MORN1: variants seen among roughly 807,000 people sequenced by gnomAD.
The protein encoded by MORN1 is MORN repeat containing 1, also known as MORN repeat-containing protein 1.
MORN1 carries 67 observed loss-of-function variants against 61.9 expected under a neutral mutation model. The ratio of observed to expected loss-of-function variants is 1.08; its 90% confidence interval spans 0.89 to 1.33. The LOEUF (loss-of-function observed/expected upper bound fraction) is 1.33, where lower values mean the gene tolerates loss of function less well. Among genes scored for constraint, MORN1 ranks in the 40% most tolerant of loss-of-function variants. The pLI is 0.00. For synonymous variants in MORN1, 301 were observed against 292.0 expected (o/e 1.03, Z -0.31); for missense variants, 752 against 691.2 (o/e 1.09, Z -0.99).
rs1365473886 is a variant in MORN1 at position 2,391,508 on chromosome 1, G to C, written c.26C>G (p.Pro9Arg). 1 of 1,250,890 alleles carries C rather than the reference G, an allele frequency of 8.0e-7. No individual in the cohort carries two copies. Among genetic ancestry groups the C allele is most frequent in the Non-Finnish European group, 1.0e-6 (1 of 991,744 alleles). The allele number at this position is 1,250,890 out of a possible 1,614,324, so 77.5% of individuals were successfully genotyped here. A position where few individuals can be genotyped will look rare whatever the true frequency, so the allele number is the denominator to read the frequency against. MAAAGEGT[P>R]SSRGPRRDPP... ...GTCCCGACGCGGCCCGCGGGAGCTC[G>C]GGGTGCCCTCGCCCGCCGCTGCCAT... The change falls in exon 1 of 14, where the codon CCG (proline) becomes CGG (arginine). Residue 9 changes from proline (P) to arginine (R), a missense_variant. Physicochemically the swap from Pro to Arg is moderately radical, Grantham distance 103 (BLOSUM62 -2). Coordinates refer to ENST00000378531, the MANE Select transcript of MORN1 (RefSeq NM_024848.3).
rs1021102190 is a variant in MORN1, at chr1:2,388,285, C to T, written c.201G>A (p.Val67=). Residue 67 remains valine (V), a synonymous_variant, in exon 3 of 14, where the codon GTG becomes GTA. Transcript: ENST00000378531. ...GGCCTTCTCCCGTGATCTCTCCGTC[C>T]ACAAACGCCCCTTCGTAATAACTGC... ...KDGSYYEGAF[V]DGEITGEGRR... is the part of the protein sequence containing the mutation. 5.6e-6 allele frequency: 9 copies of T among 1,613,890 alleles called. No homozygotes were observed. In the South Asian group the frequency reaches 6.6e-5, roughly 12 times the overall value.
At chr1:2,386,033 G>A in intron 4 of MORN1, 136 bp from the exon 5 acceptor site, 1 of 708,938 alleles carries the variant, frequency 1.4e-6, no homozygotes, top group Middle Eastern at 3.2e-4. Flanking sequence ...GGGCCCCCCA[G>A]GAACATGACA....
At chr1:2,340,355 A>T (rs1473105169) in intron 10 of MORN1, among the ~76,000 whole-genome samples, 1 of 152,002 alleles carries the variant, frequency 6.6e-6, no homozygotes, top group Non-Finnish European at 1.5e-5. Flanking sequence ...CTCCCTGCAG[A>T]CACCAGAGCA....
chr1:2,364,713 A>T (rs1339725348), intron 8 of MORN1, among the ~76,000 whole-genome samples: 1 of 151,704 alleles, frequency 6.6e-6, no homozygotes, highest in Non-Finnish European at 1.5e-5. Context: ...TTAAATCTTT[A>T]ATCCATCTTG....
At chr1:2,333,331 G>A (rs913235376) in intron 12 of MORN1, among the ~76,000 whole-genome samples, 6 of 152,198 alleles carry the variant, frequency 3.9e-5, no homozygotes, top group Non-Finnish European at 5.9e-5. Context: ...GGTCAGCCCC[G>A]GGCCCAGCTC....
At chr1:2,379,367 T>C (rs1351502948) in intron 6 of MORN1, 2 of 355,854 alleles carry the variant, frequency 5.6e-6, no homozygotes, top group Non-Finnish European at 1.1e-5. Context: ...CCGGCGCTGG[T>C]TGGGGTGTGG....
intron 10 of MORN1, among the ~76,000 whole-genome samples, chr1:2,343,377 C>G (rs560744116): frequency 1.3e-5 from 2 of 152,310 alleles, no homozygotes; most frequent in South Asian, 2.1e-4. Flanking sequence ...ACAGAGCCGC[C>G]GGGCCCTGGG....
At chr1:2,388,468 T>G in intron 2 of MORN1, 131 bp from the exon 3 acceptor site, 1 of 665,278 alleles carries the variant, frequency 1.5e-6, no homozygotes, top group Non-Finnish European at 2.7e-6. Context: ...CCATCACTCA[T>G]GCTATACATG....
Position 2,372,007 on chromosome 1 carries a change from A to G in MORN1, c.745+474T>C, listed in dbSNP as rs898661445. 1.8e-5 allele frequency: 3 copies of G among 166,962 alleles called. No individual in the cohort carries two copies. The highest frequency in any genetic ancestry group is 2.9e-4 in the South Asian group (2 of 6,852). 10.3% of individuals were successfully genotyped at this position (166,962 alleles called of 1,614,324 possible). ...TGAGAAATGAAAACACATTCACACA[A>G]AAACTTGTATACACATGTCCACAGC... On this transcript the variant is annotated intron_variant, in intron 8 of 13. Coordinates refer to ENST00000378531, the MANE Select transcript of MORN1 (RefSeq NM_024848.3). The surrounding 1 kb of genome is among the most constrained non-coding windows in gnomAD (Gnocchi z 5.4).
intron 12 of MORN1, among the ~76,000 whole-genome samples, chr1:2,331,839 G>GC (rs1193991603): frequency 9.4e-6 from 1 of 106,622 alleles, no homozygotes; most frequent in African/African-American, 4.4e-5. Context: ...CCTCTCCCTC[G>GC]TGCGGCTCTC....
intron 10 of MORN1, among the ~76,000 whole-genome samples, chr1:2,339,113 G>T (rs1337344155): frequency 2.0e-5 from 3 of 152,316 alleles, no homozygotes; most frequent in Admixed American, 1.3e-4. Context: ...GGCCCTCCGG[G>T]TTGGCCAAGA....
chr1:2,366,931 AT>A (rs1642006915), intron 8 of MORN1, among the ~76,000 whole-genome samples: 2 of 152,226 alleles, frequency 1.3e-5, no homozygotes, highest in Non-Finnish European at 2.9e-5. Flanking sequence ...GTATACATAC[AT>A]ACACAGAATA....
At chr1:2,370,603 T>C (rs1642094313) in intron 8 of MORN1, among the ~76,000 whole-genome samples, 1 of 152,144 alleles carries the variant, frequency 6.6e-6, no homozygotes, top group South Asian at 2.1e-4. Context: ...ATAAAGGACT[T>C]ATATCCGCAA....
intron 5 of MORN1, chr1:2,385,433 A>C (rs1642471913): frequency 2.8e-6 from 1 of 360,658 alleles, no homozygotes; most frequent in South Asian, 3.1e-5. Context: ...AGCACTTGGG[A>C]GGCGGAGGCG....
intron 9 of MORN1, 118 bp downstream of exon 9, chr1:2,358,474 A>G (rs1641824552): frequency 6.8e-6 from 9 of 1,328,056 alleles, no homozygotes; most frequent in South Asian, 1.3e-5. Flanking sequence ...CGAATATTTC[A>G]TTTGTCATAA....
At chr1:2,323,471 T>C (rs2645075) in intron 13 of MORN1, 775,363 of 985,260 alleles carry the variant, frequency 0.79, 305,635 homozygotes, top group East Asian at 0.87. Flanking sequence ...TCAGCCGCGG[T>C]GCCCAGGTCC....
In MORN1 at chr1:2,323,953, T is replaced by C. The variant is rs1047732880; in HGVS notation, c.1297+144A>G. Reference sequence around the variant, plus strand: ...ATTCAGGTCCCTGGGAGGGCCTGGCTGCTCCCCAGTCCCCCACCCACTGCC... The same window carrying C: ...ATTCAGGTCCCTGGGAGGGCCTGGCCGCTCCCCAGTCCCCCACCCACTGCC... On this transcript the variant is annotated intron_variant, in intron 13 of 13. Transcript: ENST00000378531. The C allele has an allele frequency of 1.2e-4, 164 of 1,413,126 alleles. No individual in the cohort carries two copies. In the Middle Eastern group the frequency reaches 1.3e-3, roughly 11 times the overall value. 87.5% of individuals were successfully genotyped at this position (1,413,126 alleles called of 1,614,324 possible).
At position 2,355,321 on chromosome 1, in the gene MORN1, C is replaced by T. The variant is rs542594840; in HGVS notation, c.1036+2111G>A. 36 of 1,484,002 alleles carry T rather than the reference C, an allele frequency of 2.4e-5. No individual in the cohort carries two copies. In the East Asian group the frequency reaches 8.8e-4, roughly 36 times the overall value. 91.9% of individuals were successfully genotyped at this position (1,484,002 alleles called of 1,614,324 possible). ...TGGCCTGAGGCTTGGCCGCCTTGGC[C>T]TCCCGTGGAGTGGCGCCGGGCCCTG... On this transcript the variant is annotated intron_variant, in intron 10 of 13. Coordinates refer to ENST00000378531, the MANE Select transcript of MORN1 (RefSeq NM_024848.3).
At chr1:2,365,752 A>C (rs1641983896) in intron 8 of MORN1, among the ~76,000 whole-genome samples, 1 of 152,222 alleles carries the variant, frequency 6.6e-6, no homozygotes, top group East Asian at 1.9e-4. Context: ...GCTATCAGAG[A>C]AATGCAAATC....
Sources: gnomAD v4.1 joint callset for allele counts (sites outside exome capture counted in the v4.1 genomes callset) on GRCh38, gnomAD v4.1.1 for gene constraint, Gnocchi (gnomAD v3.1) non-coding constraint, MANE v1.5 for transcripts, NCBI Gene and HGNC (gene_info 2026-07-23, HGNC 2026-07-21) for gene names.